The following C4orf51 variants were observed in gnomAD, a reference collection of about 807,000 sequenced individuals.
C4orf51 encodes the protein chromosome 4 open reading frame 51.
C4orf51 carries 25 observed loss-of-function variants against 25.2 expected under a neutral mutation model. That is an observed-to-expected ratio of 0.99 (90% confidence interval 0.72 to 1.39). The LOEUF is 1.39. C4orf51 is among the 40% of genes most tolerant of loss of function. The pLI is 0.00. For missense variants in C4orf51, 252 were observed against 239.6 expected (o/e 1.05, Z -0.34); for synonymous variants, 100 against 84.5 (o/e 1.18, Z -1.01).
intron 2 of C4orf51, among the ~76,000 whole-genome samples, chr4:145,725,246 T>C (rs1731991519): frequency 6.6e-6 from 1 of 152,156 alleles, no homozygotes; most frequent in Non-Finnish European, 1.5e-5. Context: ...GAGTTACTAC[T>C]TCACATCCAT....
At chr4:145,691,976 C>CACACAATATA (rs1427861062) in intron 1 of C4orf51, among the ~76,000 whole-genome samples, 2 of 151,794 alleles carry the variant, frequency 1.3e-5, no homozygotes, top group African/African-American at 4.8e-5. Context: ...TGATATACAG[C>CACACAATATA]TGATAGGAAT....
At chr4:145,709,352 A>G (rs1731007897) in intron 2 of C4orf51, among the ~76,000 whole-genome samples, 1 of 152,276 alleles carries the variant, frequency 6.6e-6, no homozygotes, top group Admixed American at 6.5e-5. Context: ...ATGACAAGTC[A>G]TAAGTTGCTG....
At chr4:145,741,038 C>CCCT (rs1733068056) in intron 1 of C4orf51, among the ~76,000 whole-genome samples, 1 of 152,072 alleles carries the variant, frequency 6.6e-6, no homozygotes, top group South Asian at 2.1e-4. Context: ...ATTTGAGATC[C>CCCT]CCTCCTCCTC....
the C4orf51 span, among the ~76,000 whole-genome samples, chr4:145,784,209 G>C: frequency 9.5e-3 from 1,453 of 152,280 alleles, 24 homozygotes; most frequent in African/African-American, 0.033. Context: ...AAATTACCCA[G>C]TATTTCTTGA....
chr4:145,724,516 A>G (rs1731930142), intron 2 of C4orf51, among the ~76,000 whole-genome samples: 1 of 152,208 alleles, frequency 6.6e-6, no homozygotes, highest in East Asian at 1.9e-4. Flanking sequence ...TATTACATCA[A>G]GCAAGACACC....
chr4:145,698,693 C>G (rs917057315), intron 2 of C4orf51, among the ~76,000 whole-genome samples: 4 of 152,152 alleles, frequency 2.6e-5, no homozygotes, highest in African/African-American at 4.8e-5. Context: ...TCCCATCATG[C>G]CCTGAACTAG....
chr4:145,730,657 A>C (rs1417471441), intron 5 of C4orf51, among the ~76,000 whole-genome samples: 2 of 151,954 alleles, frequency 1.3e-5, no homozygotes, highest in African/African-American at 4.8e-5. Context: ...ATCCTAAGTA[A>C]TTATGTTTAT....
chr4:145,760,742 T>G (rs1340999741), intron 1 of C4orf51: 2 of 1,031,418 alleles, frequency 1.9e-6, no homozygotes, highest in African/African-American at 3.4e-5. Flanking sequence ...TTTTTTGTCT[T>G]TTGTCTCTCT....
chr4:145,774,624 G>A, downstream of C4orf51: 1 of 1,613,868 alleles, frequency 6.2e-7, no homozygotes, highest in Non-Finnish European at 8.5e-7. Context: ...GTGACATGTG[G>A]CTGACAAACT....
chr4:145,747,340 A>G (rs995522652), intron 1 of C4orf51, among the ~76,000 whole-genome samples: 7 of 149,880 alleles, frequency 4.7e-5, no homozygotes, highest in African/African-American at 1.7e-4. Flanking sequence ...TCTGTCATAT[A>G]TGGCTCTAAT....
At chr4:145,709,383 A>G (rs1225697843) in intron 2 of C4orf51, among the ~76,000 whole-genome samples, 1 of 152,208 alleles carries the variant, frequency 6.6e-6, no homozygotes, top group Non-Finnish European at 1.5e-5. Flanking sequence ...GGTTCCAATT[A>G]ATGTCTGTCC....
chr4:145,742,178 A>G (rs545062111), intron 1 of C4orf51, among the ~76,000 whole-genome samples: 3 of 152,236 alleles, frequency 2.0e-5, no homozygotes, highest in Non-Finnish European at 4.4e-5. Context: ...GATACAGGCT[A>G]TGAGATTCAG....
At position 145,768,914 on chromosome 4, in the gene C4orf51, T is replaced by TAA. The variant is rs1276060418; in HGVS notation, n.167-2073_167-2072insAA. On this transcript the variant is annotated intron_variant and non_coding_transcript_variant, in intron 1 of 1. Coordinates refer to the C4orf51 transcript ENST00000510096. ...AAATATATATATATATATATATATA[T>TAA]ATTAGGTATACAAAGTTTGGAAATA... Among the ~76,000 whole-genome samples, 62 of 17,334 alleles carry TAA rather than the reference T, an allele frequency of 3.6e-3. 14 individuals are homozygous for TAA. The highest frequency in any genetic ancestry group is 0.026 in the East Asian group (7 of 272). The allele number at this position is 17,334 out of a possible 152,430, so 11.4% of individuals were successfully genotyped here. A position where few individuals can be genotyped will look rare whatever the true frequency, so the allele number is the denominator to read the frequency against.
the C4orf51 span, among the ~76,000 whole-genome samples, chr4:145,782,606 T>A: frequency 6.6e-6 from 1 of 152,196 alleles, no homozygotes; most frequent in Non-Finnish European, 1.5e-5. Flanking sequence ...AAACAGGTTC[T>A]CTGCTATCAG....
chr4:145,710,963 T>C (rs185649675), intron 2 of C4orf51, among the ~76,000 whole-genome samples: 49 of 152,344 alleles, frequency 3.2e-4, no homozygotes, highest in Non-Finnish European at 2.1e-4. Context: ...TAGATTTTCC[T>C]ATTATCTAAA....
chr4:145,731,190 A>G (rs966066196), intron 5 of C4orf51, among the ~76,000 whole-genome samples: 1 of 152,202 alleles, frequency 6.6e-6, no homozygotes, highest in East Asian at 1.9e-4. Flanking sequence ...TGGGAGAATC[A>G]TTAACTATTG....
chr4:145,753,207 G>A (rs1425118299), intron 1 of C4orf51, among the ~76,000 whole-genome samples: 1 of 151,290 alleles, frequency 6.6e-6, no homozygotes, highest in African/African-American at 2.4e-5. Flanking sequence ...TTTCTGGTGG[G>A]GGAAAAAGAG....
downstream of C4orf51, among the ~76,000 whole-genome samples, chr4:145,771,872 C>A (rs1409041980): frequency 6.6e-6 from 1 of 152,170 alleles, no homozygotes; most frequent in African/African-American, 2.4e-5. Flanking sequence ...TTTCCTAAGA[C>A]AGGAAAATCA....
chr4:145,710,412 C>T (rs1731066763), intron 2 of C4orf51, among the ~76,000 whole-genome samples: 1 of 152,156 alleles, frequency 6.6e-6, no homozygotes, highest in African/African-American at 2.4e-5. Flanking sequence ...GTATTGTGTT[C>T]CTTCTCTCCT....
Sources: gnomAD v4.1 joint callset for allele counts (sites outside exome capture counted in the v4.1 genomes callset) on GRCh38, gnomAD v4.1.1 for gene constraint, MANE v1.5 for transcripts, NCBI Gene and HGNC (gene_info 2026-07-23, HGNC 2026-07-21) for gene names.